Variants in PKDCC observed in about 807,000 individuals in gnomAD.
PKDCC encodes extracellular tyrosine-protein kinase PKDCC.
PKDCC carries 35 observed loss-of-function variants against 44.7 expected under a neutral mutation model. The observed-to-expected ratio is 0.78, with a 90% CI of 0.60 to 1.04. The LOEUF is 1.04. Ranked by LOEUF, PKDCC falls within the 50% of genes least tolerant of loss-of-function variation. The pLI, the probability that PKDCC is intolerant of heterozygous loss-of-function variation, is 0.00. For synonymous variants in PKDCC, 353 were observed against 303.3 expected, an observed-to-expected ratio of 1.16 and a Z score of -1.70; for missense variants, 738 against 672.7, an observed-to-expected ratio of 1.10 and a Z score of -1.07.
In PKDCC at chr2:42,057,945, T is replaced by C; in HGVS notation, c.*257T>C. ...GGGTATGACTGCCTCTCCAACCCTGTGGGCTGTAAGCAAGCTCAGGCTAGT... is the reference window on the plus strand; with the variant it reads ...GGGTATGACTGCCTCTCCAACCCTGCGGGCTGTAAGCAAGCTCAGGCTAGT... On this transcript the variant is annotated 3_prime_UTR_variant, in exon 7 of 7. Transcript: ENST00000294964. 1 of 509,788 alleles carries C rather than the reference T, an allele frequency of 2.0e-6. No individual in the cohort carries two copies. The highest frequency in any genetic ancestry group is 3.5e-6 in the Non-Finnish European group (1 of 284,268). The allele number at this position is 509,788 out of a possible 1,614,324, so 31.6% of individuals were successfully genotyped here. A position where few individuals can be genotyped will look rare whatever the true frequency, so the allele number is the denominator to read the frequency against.
At position 42,048,357 on chromosome 2, in the gene PKDCC, G is replaced by A; in HGVS notation, c.158G>A (p.Arg53His). The A allele has an allele frequency of 2.6e-6, 3 of 1,166,298 alleles. No homozygotes were observed. The highest frequency in any genetic ancestry group is 3.2e-6 in the Non-Finnish European group (3 of 946,236). 72.2% of individuals were successfully genotyped at this position (1,166,298 alleles called of 1,614,324 possible). A position where few individuals can be genotyped will look rare whatever the true frequency, so the allele number is the denominator to read the frequency against. ...PAPGPGRRGGRGELARQIRAR... is the reference protein window; with the variant it reads ...PAPGPGRRGGHGELARQIRAR... The stretch of plus-strand genomic sequence containing the variant: ...CCGGGTCCGGGCCGTCGCGGGGGCC[G>A]CGGGGAGCTGGCCCGGCAGATCCGG... The change falls in exon 1 of 7, where the codon CGC becomes CAC. Residue 53 changes from arginine to histidine, a missense_variant. Coordinates refer to ENST00000294964, the MANE Select transcript of PKDCC (RefSeq NM_138370.3). The surrounding 1 kb of genome is among the most constrained non-coding windows in gnomAD (Gnocchi z 6.2).
Position 42,054,607 on chromosome 2 carries a change from G to C in PKDCC, c.1034+300G>C, listed in dbSNP as rs947818898. ...CTTTTCCCTTCCCACCCAGGCCCTT[G>C]TGCTCTGGGAAATTCCTCACTGGGC... On this transcript the variant is annotated intron_variant, in intron 3 of 6. Coordinates refer to ENST00000294964, the MANE Select transcript of PKDCC (RefSeq NM_138370.3). This position sits in a 1 kb window ranked among gnomAD's most constrained non-coding sequence, Gnocchi z 6.1. 35 of 543,272 alleles carry C rather than the reference G, an allele frequency of 6.4e-5. No individual in the cohort carries two copies. The highest frequency in any genetic ancestry group is 9.1e-5 in the Non-Finnish European group (28 of 306,378). The allele number at this position is 543,272 out of a possible 1,614,324, so 33.7% of individuals were successfully genotyped here. A position where few individuals can be genotyped will look rare whatever the true frequency, so the allele number is the denominator to read the frequency against.
rs1668040072 is a variant in PKDCC, at chr2:42,055,543, C to T, written c.1222+150C>T. The T allele has an allele frequency of 1.1e-5, 7 of 631,984 alleles. No individual in the cohort carries two copies. The highest frequency in any genetic ancestry group is 1.7e-5 in the Non-Finnish European group (6 of 360,034). The allele number at this position is 631,984 out of a possible 1,614,324, so 39.1% of individuals were successfully genotyped here. A position where few individuals can be genotyped will look rare whatever the true frequency, so the allele number is the denominator to read the frequency against. On this transcript the variant is annotated intron_variant, in intron 5 of 6. Transcript: ENST00000294964. The surrounding 1 kb of genome is among the most constrained non-coding windows in gnomAD (Gnocchi z 4.5). ...GGGCTCACATAGAATCATGGAGGGG[C>T]TGACATGGACTAATTTGAGGTTCCA...
chr2:42,055,673 G>A lies in PKDCC; in HGVS notation c.1222+280G>A. On this transcript the variant is annotated intron_variant, in intron 5 of 6. Coordinates refer to ENST00000294964, the MANE Select transcript of PKDCC (RefSeq NM_138370.3). The surrounding 1 kb of genome is among the most constrained non-coding windows in gnomAD (Gnocchi z 4.5). ...AAACCCTATCATGTACTGGCTATATGACTTTGAGCAAGTTACCCCTTGAAC... is the reference window on the plus strand; with the variant it reads ...AAACCCTATCATGTACTGGCTATATAACTTTGAGCAAGTTACCCCTTGAAC... The A allele has an allele frequency of 2.7e-6, 1 of 365,856 alleles. No homozygotes were observed. The highest frequency in any genetic ancestry group is 5.0e-6 in the Non-Finnish European group (1 of 200,810). The allele number at this position is 365,856 out of a possible 1,614,324, so 22.7% of individuals were successfully genotyped here. A position where few individuals can be genotyped will look rare whatever the true frequency, so the allele number is the denominator to read the frequency against.
Position 42,048,252 on chromosome 2 carries a change from TG to T in PKDCC, c.56del (p.Gly19AlafsTer69). Reference sequence around the variant, plus strand: ...GCGGGTTTCTGCGCCTCCTTCCTGCTGGGCTCCGTCCTCAACGTGCTCTTCG... The same window carrying T: ...GCGGGTTTCTGCGCCTCCTTCCTGCTGGCTCCGTCCTCAACGTGCTCTTCG... ...VAAGFCASFL[L>X]GSVLNVLFAP... On this transcript the variant is annotated frameshift_variant, in exon 1 of 7. Coordinates refer to ENST00000294964, the MANE Select transcript of PKDCC (RefSeq NM_138370.3). LOFTEE classifies it high-confidence loss of function. This position sits in a 1 kb window ranked among gnomAD's most constrained non-coding sequence, Gnocchi z 6.2. The T allele has an allele frequency of 7.8e-7, 1 of 1,279,654 alleles. No individual in the cohort carries two copies. Among genetic ancestry groups the T allele is most frequent in the South Asian group, 1.8e-5 (1 of 55,508 alleles). The allele number at this position is 1,279,654 out of a possible 1,614,324, so 79.3% of individuals were successfully genotyped here.
Position 42,055,004 on chromosome 2 carries a change from C to CATCGTCA in PKDCC, c.1100_1106dup (p.Ala370ArgfsTer75). ...CTTCACTGCGTCCTCTGCTGGACAGCATCGTCAACGCCACAGGTGAGCTCT... is the reference window on the plus strand; with the variant it reads ...CTTCACTGCGTCCTCTGCTGGACAGCATCGTCAATCGTCAACGCCACAGGTGAGCTCT... On this transcript the variant is annotated frameshift_variant, in exon 4 of 7. Coordinates refer to ENST00000294964, the MANE Select transcript of PKDCC (RefSeq NM_138370.3). LOFTEE classifies it high-confidence loss of function. The surrounding 1 kb of genome is among the most constrained non-coding windows in gnomAD (Gnocchi z 4.5). 1 of 1,614,024 alleles carries CATCGTCA rather than the reference C, an allele frequency of 6.2e-7. No individual in the cohort carries two copies. Among genetic ancestry groups the CATCGTCA allele is most frequent in the South Asian group, 1.1e-5 (1 of 91,082 alleles).
Position 42,054,350 on chromosome 2 carries a change from G to A in PKDCC, c.1034+43G>A. 1 of 1,551,576 alleles carries A rather than the reference G, an allele frequency of 6.4e-7. No individual in the cohort carries two copies. The highest frequency in any genetic ancestry group is 8.7e-7 in the Non-Finnish European group (1 of 1,145,024). On this transcript the variant is annotated intron_variant, in intron 3 of 6. Transcript: ENST00000294964. The surrounding 1 kb of genome is among the most constrained non-coding windows in gnomAD (Gnocchi z 6.1). ...CTCGGGAACTCCATCGAAGGAGAATGGGCCAGGAGGGCATGGCAGGAAGAG... is the reference window on the plus strand; with the variant it reads ...CTCGGGAACTCCATCGAAGGAGAATAGGCCAGGAGGGCATGGCAGGAAGAG...
At chr2:42,057,130 G>A in intron 5 of PKDCC, 91 bp from the exon 6 acceptor site, 1 of 1,444,744 alleles carries the variant, frequency 6.9e-7, no homozygotes, top group Non-Finnish European at 9.6e-7. Flanking sequence ...TAGGAAATGA[G>A]TCTTGCTGCC....
chr2:42,054,464 G>A lies in PKDCC; in HGVS notation c.1034+157G>A. The stretch of plus-strand genomic sequence containing the variant: ...ACCCTGTCCAGAAGGGAACATTCAG[G>A]CCTCTGATGGAGAGGCTAAAAATAG... On this transcript the variant is annotated intron_variant, in intron 3 of 6. Transcript: ENST00000294964. The surrounding 1 kb of genome is among the most constrained non-coding windows in gnomAD (Gnocchi z 6.1). 1 of 882,468 alleles carries A rather than the reference G, an allele frequency of 1.1e-6. No homozygotes were observed. Among genetic ancestry groups the A allele is most frequent in the South Asian group, 1.8e-5 (1 of 54,994 alleles). The allele number at this position is 882,468 out of a possible 1,614,324, so 54.7% of individuals were successfully genotyped here. A position where few individuals can be genotyped will look rare whatever the true frequency, so the allele number is the denominator to read the frequency against.
At chr2:42,050,768 GA>G (rs1667951531) in intron 1 of PKDCC, among the ~76,000 whole-genome samples, 1 of 152,006 alleles carries the variant, frequency 6.6e-6, no homozygotes, top group South Asian at 2.1e-4. Context: ...TTCTACCCAG[GA>G]AAAGTGAAAA....
Position 42,051,364 on chromosome 2 carries a change from C to T in PKDCC, c.640-1875C>T, listed in dbSNP as rs1402457852. 1.2e-5 allele frequency among the ~76,000 whole-genome samples: 1 copy of T among 83,334 alleles called. No homozygotes were observed. Among genetic ancestry groups the T allele is most frequent in the Non-Finnish European group, 2.6e-5 (1 of 39,050 alleles). The allele number at this position is 83,334 out of a possible 152,430, so 54.7% of individuals were successfully genotyped here. On this transcript the variant is annotated intron_variant, in intron 1 of 6. Coordinates refer to ENST00000294964, the MANE Select transcript of PKDCC (RefSeq NM_138370.3). This position sits in a 1 kb window ranked among gnomAD's most constrained non-coding sequence, Gnocchi z 4.2. ...TCCCCCTCCCCCAGTCATCCTGGGG[C>T]CCCCAGGCCTTGGATGGGCCCCCAG...
Position 42,053,487 on chromosome 2 carries a change from A to C in PKDCC, c.762+126A>C, listed in dbSNP as rs1004493551. On this transcript the variant is annotated intron_variant, in intron 2 of 6. Coordinates refer to ENST00000294964, the MANE Select transcript of PKDCC (RefSeq NM_138370.3). ...GGAGAGGGAGGGGAGGAAGGCGCAC[A>C]GGCTGACTCAGCCACCGGCCAAAGG... 3.0e-6 allele frequency: 4 copies of C among 1,319,710 alleles called. No individual in the cohort carries two copies. The African/African-American group carries it at 5.9e-5, about 20-fold the overall frequency. The allele number at this position is 1,319,710 out of a possible 1,614,324, so 81.8% of individuals were successfully genotyped here.
Position 42,055,667 on chromosome 2 carries a change from C to T in PKDCC, c.1222+274C>T. 1 of 385,840 alleles carries T rather than the reference C, an allele frequency of 2.6e-6. No homozygotes were observed. The highest frequency in any genetic ancestry group is 2.0e-5 in the African/African-American group (1 of 48,970). 23.9% of individuals were successfully genotyped at this position (385,840 alleles called of 1,614,324 possible). ...GGCTCCAAACCCTATCATGTACTGG[C>T]TATATGACTTTGAGCAAGTTACCCC... On this transcript the variant is annotated intron_variant, in intron 5 of 6. Coordinates refer to ENST00000294964, the MANE Select transcript of PKDCC (RefSeq NM_138370.3). This position sits in a 1 kb window ranked among gnomAD's most constrained non-coding sequence, Gnocchi z 4.5.
chr2:42,057,484 G>A (rs1349205719), intron 6 of PKDCC, 90 bp downstream of exon 6: 2 of 1,570,128 alleles, frequency 1.3e-6, no homozygotes, highest in Admixed American at 1.7e-5. Context: ...AGTCAGAGGG[G>A]GTGCTGAGGT....
At chr2:42,049,143 G>A (rs1190818841) in intron 1 of PKDCC, among the ~76,000 whole-genome samples, 2 of 152,140 alleles carry the variant, frequency 1.3e-5, no homozygotes, top group Non-Finnish European at 2.9e-5. Flanking sequence ...ACTCTACTCC[G>A]GGCTGGAGTT....
Position 42,048,633 on chromosome 2 carries a change from G to T in PKDCC, c.434G>T (p.Gly145Val). Residue 145 changes from glycine to valine, a missense_variant, in exon 1 of 7, where the codon GGC becomes GTC. Coordinates refer to ENST00000294964, the MANE Select transcript of PKDCC (RefSeq NM_138370.3). The surrounding 1 kb of genome is among the most constrained non-coding windows in gnomAD (Gnocchi z 6.2). ...LRNVSGAQYM[G>V]SGYTKAVYRV... ...AACGTGTCCGGCGCGCAGTACATGG[G>T]CTCAGGCTACACCAAGGCCGTGTAC... 1 of 1,542,462 alleles carries T rather than the reference G, an allele frequency of 6.5e-7. No homozygotes were observed. Among genetic ancestry groups the T allele is most frequent in the Non-Finnish European group, 8.7e-7 (1 of 1,145,856 alleles).
Position 42,054,725 on chromosome 2 carries a change from G to A in PKDCC, c.1035-216G>A, listed in dbSNP as rs2103929974. 2 of 606,758 alleles carry A rather than the reference G, an allele frequency of 3.3e-6. No homozygotes were observed. The highest frequency in any genetic ancestry group is 2.0e-5 in the South Asian group (1 of 49,334). 37.6% of individuals were successfully genotyped at this position (606,758 alleles called of 1,614,324 possible). ...AGTCCTGGGAAGGGTTGGGAAGCAG[G>A]CCCCTGGTTTCGGTTAGTATGAAGT... On this transcript the variant is annotated intron_variant, in intron 3 of 6. Coordinates refer to ENST00000294964, the MANE Select transcript of PKDCC (RefSeq NM_138370.3). The surrounding 1 kb of genome is among the most constrained non-coding windows in gnomAD (Gnocchi z 6.1).
intron 1 of PKDCC, among the ~76,000 whole-genome samples, chr2:42,050,246 G>A (rs910302184): frequency 6.6e-6 from 1 of 152,230 alleles, no homozygotes; most frequent in Admixed American, 6.5e-5. Flanking sequence ...CAGCTTCAGG[G>A]AGTGAGCCCC....
chr2:42,057,235 C>T lies in PKDCC; in HGVS notation c.1237C>T (p.Pro413Ser), dbSNP rs1572763476. ...CCAACCCACAGAGTACCAGTGTATC[C>T]CAGACAGCACCATCCCCCAGGAAGA... ...ASSSTEYQCI[P>S]DSTIPQEDYR... The change falls in exon 6 of 7, where the codon CCA (proline) becomes TCA (serine). Residue 413 changes from proline to serine, a missense_variant. Coordinates refer to ENST00000294964, the MANE Select transcript of PKDCC (RefSeq NM_138370.3). 1 of 1,614,160 alleles carries T rather than the reference C, an allele frequency of 6.2e-7. No individual in the cohort carries two copies. The highest frequency in any genetic ancestry group is 2.2e-5 in the East Asian group (1 of 44,884).
Sources: allele counts gnomAD v4.1 joint callset (sites outside exome capture counted in the v4.1 genomes callset), GRCh38; gene constraint gnomAD v4.1.1; non-coding constraint Gnocchi (gnomAD v3.1); transcripts MANE v1.5; gene names NCBI Gene and HGNC (gene_info 2026-07-23, HGNC 2026-07-21).